Variants in ZSWIM5 observed in about 807,000 individuals in gnomAD.
ZSWIM5 encodes the protein zinc finger SWIM-type containing 5.
In ZSWIM5, 55 loss-of-function variants were observed where a neutral mutation model predicts 119.6. The observed-to-expected ratio is 0.46, with a 90% confidence interval of 0.37 to 0.58. The LOEUF (loss-of-function observed/expected upper bound fraction) is 0.58, where lower values mean the gene tolerates loss of function less well. Ranked by LOEUF, ZSWIM5 falls within the 20% of genes least tolerant of loss-of-function variation. The pLI is 0.00. For missense variants in ZSWIM5, 1,193 were observed against 1,512.8 expected (o/e 0.79, Z 3.51); for synonymous variants, 537 against 606.9 (o/e 0.88, Z 1.69).
At chr1:45,116,745 G>GT (rs926356762) in intron 1 of ZSWIM5, among the ~76,000 whole-genome samples, 51 of 151,252 alleles carry the variant, frequency 3.4e-4, no homozygotes, top group African/African-American at 8.2e-4. Flanking sequence ...TAGGACTTTT[G>GT]TTTTTTTTTA....
At position 45,019,278 on chromosome 1, in the gene ZSWIM5, T is replaced by A; in HGVS notation, c.2734A>T (p.Thr912Ser). The A allele has an allele frequency of 1.2e-5, 19 of 1,613,428 alleles. No individual in the cohort carries two copies. Among genetic ancestry groups the A allele is most frequent in the Non-Finnish European group, 1.6e-5 (19 of 1,179,978 alleles). Reference sequence around the variant, plus strand: ...GTAGCCTCAGTAGGGGTGAAGAGTGTGTACCAGCTCTGCAAGATGCTCACC... The same window carrying A: ...GTAGCCTCAGTAGGGGTGAAGAGTGAGTACCAGCTCTGCAAGATGCTCACC... ...ALVSILQSWY[T>S]LFTPTEATSI... is the part of the protein sequence containing the mutation. The change falls in exon 14 of 14, where the codon ACA becomes TCA. Residue 912 changes from threonine to serine, a missense_variant. Thr to Ser is a moderately conservative substitution (Grantham distance 58). Transcript: ENST00000359600. This position sits in a 1 kb window ranked among gnomAD's most constrained non-coding sequence, Gnocchi z 5.0.
chr1:45,073,458 C>T (rs758283734), intron 2 of ZSWIM5, among the ~76,000 whole-genome samples: 2 of 151,322 alleles, frequency 1.3e-5, no homozygotes, highest in Admixed American at 1.3e-4. Flanking sequence ...AGAGTTTCAC[C>T]ATGTTGGCCA....
chr1:45,204,991 T>A (rs1235934318), intron 1 of ZSWIM5, among the ~76,000 whole-genome samples: 1 of 152,158 alleles, frequency 6.6e-6, no homozygotes, highest in Non-Finnish European at 1.5e-5. Context: ...TAATATATTT[T>A]TCCATAACAA....
chr1:45,132,448 C>T (rs113502433), intron 1 of ZSWIM5, among the ~76,000 whole-genome samples: 3,131 of 152,080 alleles, frequency 0.021, 116 homozygotes, highest in African/African-American at 0.072. Context: ...TTTCTCTATG[C>T]AATACTAGAA....
chr1:45,123,362 A>C (rs1206471605), intron 1 of ZSWIM5, among the ~76,000 whole-genome samples: 1 of 152,210 alleles, frequency 6.6e-6, no homozygotes, highest in Non-Finnish European at 1.5e-5. Context: ...GAGCAATGAC[A>C]ACTGTATGTG....
rs1646187196 is a variant in ZSWIM5, at chr1:45,205,964, GGCGCCGCCAGCA to G, written c.375_386del (p.Gly128_Gly131del). The G allele has an allele frequency of 9.6e-6, 13 of 1,348,526 alleles. No individual in the cohort carries two copies. The highest frequency in any genetic ancestry group is 1.1e-5 in the Non-Finnish European group (12 of 1,049,278). The allele number at this position is 1,348,526 out of a possible 1,614,324, so 83.5% of individuals were successfully genotyped here. ...CCTCCTCGGCCGGCGAAGCCCCCGC[GGCGCCGCCAGCA>G]GCGCCGGCGCCGGGGCCGCCCCGGT... is the stretch of plus-strand genomic sequence containing the variant. On this transcript the variant is annotated inframe_deletion, in exon 1 of 14. Transcript: ENST00000359600.
At chr1:45,154,450 C>A (rs1383102564) in intron 1 of ZSWIM5, among the ~76,000 whole-genome samples, 1 of 152,136 alleles carries the variant, frequency 6.6e-6, no homozygotes, top group African/African-American at 2.4e-5. Context: ...ATACTTACAG[C>A]CAACTAATCT....
rs370723525 is a variant in ZSWIM5, at chr1:45,134,670, T to C, written c.596-46433A>G. Among the ~76,000 whole-genome samples, 23 of 152,214 alleles carry C rather than the reference T, an allele frequency of 1.5e-4. No homozygotes were observed. The South Asian group carries it at 4.6e-3, about 30-fold the overall frequency. On this transcript the variant is annotated intron_variant, in intron 1 of 13. Transcript: ENST00000359600. ...ATCATTTCCTTCTTTTTGGTTTAGATTGGAAAAAAGCATGATGCTGAAAGA... is the reference window on the plus strand; with the variant it reads ...ATCATTTCCTTCTTTTTGGTTTAGACTGGAAAAAAGCATGATGCTGAAAGA...
rs1645211841 is a variant in ZSWIM5, at chr1:45,070,000, G to C, written c.953-9753C>G. The C allele has an allele frequency of 6.7e-6, 5 of 743,186 alleles. No individual in the cohort carries two copies. In the Admixed American group the frequency reaches 9.1e-5, roughly 13 times the overall value. The allele number at this position is 743,186 out of a possible 1,614,324, so 46.0% of individuals were successfully genotyped here. On this transcript the variant is annotated intron_variant, in intron 2 of 13. Coordinates refer to ENST00000359600, the MANE Select transcript of ZSWIM5 (RefSeq NM_020883.2). ...GTCTAACCCATCAGATAGACTGGCA[G>C]TTTCATTCTCATGAATACTTGAGTA...
chr1:45,098,110 GAGAC>G (rs893926849), intron 1 of ZSWIM5, among the ~76,000 whole-genome samples: 1 of 146,034 alleles, frequency 6.8e-6, no homozygotes, highest in Non-Finnish European at 1.5e-5. Flanking sequence ...CAGACAAAAA[GAGAC>G]AGAGACACAT....
chr1:45,139,472 C>A (rs370515045), intron 1 of ZSWIM5, among the ~76,000 whole-genome samples: 2 of 133,240 alleles, frequency 1.5e-5, no homozygotes, highest in Non-Finnish European at 3.2e-5. Context: ...CCCTCTCTCT[C>A]TCTTTTTTTT....
Position 45,068,059 on chromosome 1 carries a change from AG to A in ZSWIM5, c.953-7813del, listed in dbSNP as rs1272874083. 3.4e-5 allele frequency among the ~76,000 whole-genome samples: 5 copies of A among 147,724 alleles called. No individual in the cohort carries two copies. The East Asian group carries it at 6.0e-4, about 18-fold the overall frequency. On this transcript the variant is annotated intron_variant, in intron 2 of 13. Transcript: ENST00000359600. ...GGCTTATATAATGAGACCTGTCCTG[AG>A]GGGGTTATTAAGTCTAAGGAAGCAA...
rs567304281 is a variant in ZSWIM5, at chr1:45,159,321, TAACTA to T, written c.595+46430_595+46434del. Among the ~76,000 whole-genome samples the T allele has an allele frequency of 5.8e-4, 89 of 152,256 alleles. No individual in the cohort carries two copies. The South Asian group carries it at 0.013, about 22-fold the overall frequency. On this transcript the variant is annotated intron_variant, in intron 1 of 13. Coordinates refer to ENST00000359600, the MANE Select transcript of ZSWIM5 (RefSeq NM_020883.2). ...GTTCTGGATCCAAATTCTGCCCACT[TAACTA>T]GTCAAGTTAATTAGCTCTTCTAAAT...
At chr1:45,138,490 A>G (rs1174270817) in intron 1 of ZSWIM5, among the ~76,000 whole-genome samples, 1 of 143,766 alleles carries the variant, frequency 7.0e-6, no homozygotes, top group African/African-American at 2.6e-5. Context: ...GGGAGACAAG[A>G]GTGAAACTCC....
At chr1:45,102,337 C>A (rs917367303) in intron 1 of ZSWIM5, among the ~76,000 whole-genome samples, 1 of 152,178 alleles carries the variant, frequency 6.6e-6, no homozygotes, top group Admixed American at 6.5e-5. Context: ...GTTTCCTATA[C>A]CAGGCATGAC....
chr1:45,047,392 A>C (rs928622429), intron 5 of ZSWIM5, among the ~76,000 whole-genome samples: 1 of 152,242 alleles, frequency 6.6e-6, no homozygotes, highest in Non-Finnish European at 1.5e-5. Flanking sequence ...GACTAAGAAC[A>C]GAAGAAATGG....
intron 1 of ZSWIM5, among the ~76,000 whole-genome samples, chr1:45,188,607 C>T (rs1469629770): frequency 6.6e-6 from 1 of 152,138 alleles, no homozygotes; most frequent in African/African-American, 2.4e-5. Context: ...GTATATCTCA[C>T]TAAAGATATT....
chr1:45,182,589 G>A (rs930780764), intron 1 of ZSWIM5, among the ~76,000 whole-genome samples: 18 of 152,182 alleles, frequency 1.2e-4, no homozygotes, highest in Admixed American at 7.2e-4. Context: ...AAAAGGCAGG[G>A]GTTGCAATCC....
chr1:45,034,055 A>G (rs778874653), intron 11 of ZSWIM5, among the ~76,000 whole-genome samples: 5 of 152,138 alleles, frequency 3.3e-5, no homozygotes, highest in African/African-American at 4.8e-5. Context: ...GGGTTTCACC[A>G]TGTTGGCCAG....
Sources: allele counts gnomAD v4.1 joint callset (sites outside exome capture counted in the v4.1 genomes callset), GRCh38; gene constraint gnomAD v4.1.1; non-coding constraint Gnocchi (gnomAD v3.1); transcripts MANE v1.5; gene names NCBI Gene and HGNC (gene_info 2026-07-23, HGNC 2026-07-21).